Variants in ADI1 observed in about 807,000 individuals in gnomAD.
ADI1 encodes acireductone dioxygenase.
ADI1 carries 21 observed loss-of-function variants against 18.7 expected under a neutral mutation model. The observed-to-expected ratio is 1.13, with a 90% CI of 0.80 to 1.62. The LOEUF (loss-of-function observed/expected upper bound fraction) is 1.62. Ranked by LOEUF, ADI1 falls within the 40% of genes most tolerant of loss-of-function variation. The pLI is 0.00. For missense variants in ADI1, 245 were observed against 254.9 expected (o/e 0.96, Z 0.26); for synonymous variants, 90 against 100.1 (o/e 0.90, Z 0.60).
chr2:3,506,782 A>T (rs1332716693), intron 2 of ADI1, among the ~76,000 whole-genome samples: 1 of 152,250 alleles, frequency 6.6e-6, no homozygotes, highest in African/African-American at 2.4e-5. Flanking sequence ...ACACTACCTG[A>T]CTTCAAGACT....
chr2:3,511,548 A>G (rs1319610114), intron 2 of ADI1, among the ~76,000 whole-genome samples: 1 of 152,224 alleles, frequency 6.6e-6, no homozygotes, highest in East Asian at 1.9e-4. Context: ...GAGCCTGCAG[A>G]TTATAAATTT....
In ADI1 at chr2:3,510,333, GAAT is replaced by G. The variant is rs1025867883; in HGVS notation, c.240+3521_240+3523del. 7.3e-5 allele frequency among the ~76,000 whole-genome samples: 11 copies of G among 151,568 alleles called. No individual in the cohort carries two copies. The East Asian group carries it at 1.4e-3, about 19-fold the overall frequency. ...ATAATAATAATAATGTCTGTTTCTA[GAAT>G]AATAATAATAATAATGACAAAGAAA... On this transcript the variant is annotated intron_variant, in intron 2 of 3. Transcript: ENST00000327435.
intron 3 of ADI1, among the ~76,000 whole-genome samples, chr2:3,500,001 G>T (rs1040204341): frequency 6.6e-6 from 1 of 151,438 alleles, no homozygotes; most frequent in African/African-American, 2.4e-5. Context: ...GGAGGTGGAG[G>T]TTGCATTGAG....
intron 1 of ADI1, chr2:3,516,594 A>T: frequency 2.1e-6 from 1 of 465,278 alleles, no homozygotes; most frequent in South Asian, 9.3e-5. Context: ...CTCATCAGAC[A>T]CTAAATCTGC....
rs1017367179 is a variant in ADI1, at chr2:3,497,988, A to C, written c.*975T>G. The C allele has an allele frequency of 6.6e-6, 1 of 152,130 alleles. No homozygotes were observed. The highest frequency in any genetic ancestry group is 2.4e-5 in the African/African-American group (1 of 41,410). The allele number at this position is 152,130 out of a possible 1,614,324, so 9.4% of individuals were successfully genotyped here. On this transcript the variant is annotated 3_prime_UTR_variant, in exon 4 of 4. Coordinates refer to ENST00000327435, the MANE Select transcript of ADI1 (RefSeq NM_018269.4). ...TTGACAGAAGCAAGCCCTGCGGTAT[A>C]TGGCATCATCACACCACCGGTGGGT...
intron 2 of ADI1, among the ~76,000 whole-genome samples, chr2:3,503,453 G>A (rs12714384): frequency 0.057 from 2,745 of 48,024 alleles, 1,161 homozygotes; most frequent in African/African-American, 0.54. Flanking sequence ...GCACACATAC[G>A]GACGTACACT....
chr2:3,515,202 T>C (rs1667373013), intron 1 of ADI1: 2 of 169,850 alleles, frequency 1.2e-5, no homozygotes, highest in Admixed American at 1.2e-4. Context: ...AGCCTATAAA[T>C]GGGCGTGCAA....
At chr2:3,517,954 G>C (rs1369579274) in intron 1 of ADI1, among the ~76,000 whole-genome samples, 2 of 152,158 alleles carry the variant, frequency 1.3e-5, no homozygotes, top group South Asian at 2.1e-4. Context: ...AAGCTGACCT[G>C]TAATCTCACT....
intron 3 of ADI1, among the ~76,000 whole-genome samples, chr2:3,499,555 C>T (rs532007658): frequency 1.3e-5 from 2 of 152,194 alleles, no homozygotes; most frequent in South Asian, 2.1e-4. Flanking sequence ...AGGAATTTAC[C>T]CTACAGAAAA....
At chr2:3,503,639 T>G (rs1480900287) in intron 2 of ADI1, among the ~76,000 whole-genome samples, 1 of 152,200 alleles carries the variant, frequency 6.6e-6, no homozygotes, top group Non-Finnish European at 1.5e-5. Flanking sequence ...CATCCGAGTT[T>G]CTAAGTGCCA....
chr2:3,514,663 A>T, intron 1 of ADI1: 1 of 1,052,850 alleles, frequency 9.5e-7, no homozygotes, highest in Non-Finnish European at 1.3e-6. Context: ...ATTAAGGTTC[A>T]GTTTTACTGT....
chr2:3,498,850 A>G lies in ADI1; in HGVS notation c.*113T>C. The G allele has an allele frequency of 1.4e-6, 2 of 1,444,894 alleles. No individual in the cohort carries two copies. Among genetic ancestry groups the G allele is most frequent in the Non-Finnish European group, 1.9e-6 (2 of 1,075,078 alleles). The allele number at this position is 1,444,894 out of a possible 1,614,324, so 89.5% of individuals were successfully genotyped here. ...GATCAAATAATCTTACAAAGGAAAGATAATCTAGCCTCAAGGCTATCCTCT... is the reference window on the plus strand; with the variant it reads ...GATCAAATAATCTTACAAAGGAAAGGTAATCTAGCCTCAAGGCTATCCTCT... On this transcript the variant is annotated 3_prime_UTR_variant, in exon 4 of 4. Transcript: ENST00000327435.
At chr2:3,500,630 A>G in intron 3 of ADI1, 184 bp downstream of exon 3, 1 of 769,400 alleles carries the variant, frequency 1.3e-6, no homozygotes, top group Non-Finnish European at 2.1e-6. Flanking sequence ...CTGCCACGGA[A>G]GGACAGCTGT....
chr2:3,506,322 C>A (rs1667175253), intron 2 of ADI1, among the ~76,000 whole-genome samples: 1 of 152,178 alleles, frequency 6.6e-6, no homozygotes, highest in Non-Finnish European at 1.5e-5. Flanking sequence ...CAAAGAAAAG[C>A]TCCTGGAACT....
intron 3 of ADI1, chr2:3,500,538 T>C (rs1234896187): frequency 2.3e-6 from 1 of 427,898 alleles, no homozygotes. Flanking sequence ...CCGCCGCATG[T>C]ACCTGCCGCC....
intron 2 of ADI1, among the ~76,000 whole-genome samples, chr2:3,512,853 G>A (rs1310800969): frequency 6.6e-6 from 1 of 152,176 alleles, no homozygotes; most frequent in Non-Finnish European, 1.5e-5. Context: ...CTGGCAGCTT[G>A]CACCCTGCAC....
intron 2 of ADI1, among the ~76,000 whole-genome samples, chr2:3,503,896 G>C (rs939149232): frequency 2.6e-5 from 4 of 152,148 alleles, no homozygotes; most frequent in Non-Finnish European, 5.9e-5. Context: ...AGTGGATGCC[G>C]AGTGAACAGA....
chr2:3,519,144 C>T (rs1667499532), intron 1 of ADI1: 1 of 510,198 alleles, frequency 2.0e-6, no homozygotes, highest in African/African-American at 2.0e-5. Context: ...CGCAGCACAC[C>T]CAGGCGCCGC....
At chr2:3,514,904 G>A (rs1355090705) in intron 1 of ADI1, 25 of 1,536,196 alleles carry the variant, frequency 1.6e-5, no homozygotes, top group East Asian at 7.4e-5. Context: ...AAGATTTCAC[G>A]GACATCTATC....
Sources: gnomAD v4.1 joint callset for allele counts (sites outside exome capture counted in the v4.1 genomes callset) on GRCh38, gnomAD v4.1.1 for gene constraint, MANE v1.5 for transcripts, NCBI Gene and HGNC (gene_info 2026-07-23, HGNC 2026-07-21) for gene names.